The following PDSS2 variants were observed in gnomAD, a reference collection of about 807,000 sequenced individuals.
The protein encoded by PDSS2 is all trans-polyprenyl-diphosphate synthase PDSS2.
In PDSS2, 31 loss-of-function variants were observed where a neutral mutation model predicts 44.5. The ratio of observed to expected loss-of-function variants is 0.70; its 90% CI spans 0.52 to 0.94. PDSS2 has a LOEUF of 0.94. Among genes scored for constraint, PDSS2 ranks in the 40% least tolerant of loss-of-function variants. The pLI, the probability that PDSS2 is intolerant of heterozygous loss-of-function variation, is 0.00. For synonymous variants in PDSS2, 157 were observed against 180.3 expected (o/e 0.87, Z 1.03); for missense variants, 452 against 482.2 (o/e 0.94, Z 0.59).
chr6:107,206,589 T>A (rs1376664723), intron 6 of PDSS2, among the ~76,000 whole-genome samples: 1 of 149,614 alleles, frequency 6.7e-6, no homozygotes, highest in African/African-American at 2.4e-5. Context: ...GTGTCCAATC[T>A]TTTTGCTTCC....
intron 7 of PDSS2, among the ~76,000 whole-genome samples, chr6:107,182,291 T>C (rs1040297874): frequency 1.3e-5 from 2 of 152,176 alleles, no homozygotes; most frequent in Admixed American, 6.5e-5. Context: ...ATACTAACTA[T>C]TGCATGTGTG....
At chr6:107,347,343 T>G (rs975090232) in intron 1 of PDSS2, among the ~76,000 whole-genome samples, 4 of 136,850 alleles carry the variant, frequency 2.9e-5, no homozygotes, top group African/African-American at 1.1e-4. Context: ...GCTCTCCACA[T>G]CCCGGGTTCA....
intron 2 of PDSS2, among the ~76,000 whole-genome samples, chr6:107,288,718 G>C (rs1582896849): frequency 6.6e-6 from 1 of 151,376 alleles, no homozygotes; most frequent in Admixed American, 6.6e-5. Context: ...TCATTAAGGA[G>C]GGGCTGGACA....
At chr6:107,450,111 T>C (rs1195245563) in intron 1 of PDSS2, among the ~76,000 whole-genome samples, 1 of 152,188 alleles carries the variant, frequency 6.6e-6, no homozygotes, top group Non-Finnish European at 1.5e-5. Flanking sequence ...TTTTGATGAA[T>C]GAGATTGACT....
chr6:107,346,235 G>A (rs1778243393), intron 1 of PDSS2, among the ~76,000 whole-genome samples: 1 of 152,166 alleles, frequency 6.6e-6, no homozygotes, highest in South Asian at 2.1e-4. Context: ...AACAGTATTT[G>A]CTCTATCCTA....
intron 1 of PDSS2, among the ~76,000 whole-genome samples, chr6:107,418,361 AG>A (rs758702157): frequency 9.9e-5 from 15 of 152,210 alleles, no homozygotes; most frequent in Non-Finnish European, 1.6e-4. Context: ...GGCAAGGAAC[AG>A]ATCCTCTCTA....
intron 7 of PDSS2, among the ~76,000 whole-genome samples, chr6:107,190,361 T>C (rs1772330493): frequency 6.6e-6 from 1 of 152,314 alleles, no homozygotes; most frequent in Non-Finnish European, 1.5e-5. Context: ...CCCAACTTAC[T>C]GCGTGTGTTT....
At chr6:107,171,004 T>C (rs1258300683) in intron 7 of PDSS2, among the ~76,000 whole-genome samples, 3 of 152,172 alleles carry the variant, frequency 2.0e-5, no homozygotes, top group Admixed American at 2.0e-4. Context: ...CTATATAACC[T>C]AGGCATTTGG....
At chr6:107,217,656 A>G (rs1480195966) in intron 4 of PDSS2, among the ~76,000 whole-genome samples, 5 of 152,200 alleles carry the variant, frequency 3.3e-5, no homozygotes, top group Non-Finnish European at 7.3e-5. Context: ...AAATTCCACA[A>G]TCTCTATCAA....
intron 5 of PDSS2, among the ~76,000 whole-genome samples, chr6:107,210,984 A>G (rs1430625780): frequency 5.5e-5 from 8 of 146,020 alleles, no homozygotes; most frequent in Non-Finnish European, 1.2e-4. Flanking sequence ...CGAGAGCAAA[A>G]CTCCGTCTCA....
At chr6:107,222,567 A>G (rs1773644286) in intron 4 of PDSS2, among the ~76,000 whole-genome samples, 1 of 151,668 alleles carries the variant, frequency 6.6e-6, no homozygotes, top group South Asian at 2.1e-4. Flanking sequence ...AGGCAGGAGA[A>G]TCACTTGAAC....
chr6:107,310,110 C>A (rs779692163), intron 2 of PDSS2, among the ~76,000 whole-genome samples: 89 of 151,686 alleles, frequency 5.9e-4, no homozygotes, highest in Non-Finnish European at 1.1e-3. Flanking sequence ...ACGGTGAAAC[C>A]CCATCTCTAC....
At chr6:107,173,582 A>AAAAC (rs1178295949) in intron 7 of PDSS2, among the ~76,000 whole-genome samples, 6 of 148,166 alleles carry the variant, frequency 4.0e-5, no homozygotes, top group South Asian at 2.1e-4. Flanking sequence ...CAAAAAAAAA[A>AAAAC]AAAAAAAAAA....
chr6:107,436,734 C>G (rs1781360058), intron 1 of PDSS2, among the ~76,000 whole-genome samples: 1 of 151,934 alleles, frequency 6.6e-6, no homozygotes. Flanking sequence ...AGAACGTTCC[C>G]AACACAAAGA....
intron 1 of PDSS2, among the ~76,000 whole-genome samples, chr6:107,429,935 T>TATATATAC (rs1436001089): frequency 9.3e-6 from 1 of 107,038 alleles, no homozygotes; most frequent in East Asian, 2.8e-4. Context: ...TATATATATA[T>TATATATAC]ATACACCAAA....
chr6:107,251,794 G>A (rs548858015), intron 3 of PDSS2, among the ~76,000 whole-genome samples: 5 of 152,200 alleles, frequency 3.3e-5, no homozygotes, highest in South Asian at 2.1e-4. Flanking sequence ...TGAATAGGCC[G>A]ATAAAGGTAA....
chr6:107,363,405 T>C (rs935707783), intron 1 of PDSS2, among the ~76,000 whole-genome samples: 3 of 152,070 alleles, frequency 2.0e-5, no homozygotes, highest in African/African-American at 7.2e-5. Flanking sequence ...TTCCTTCTGG[T>C]GGGTTCGTGG....
At chr6:107,391,601 G>A (rs1779784059) in intron 1 of PDSS2, among the ~76,000 whole-genome samples, 1 of 151,976 alleles carries the variant, frequency 6.6e-6, no homozygotes, top group African/African-American at 2.4e-5. Context: ...GAAGTTATTG[G>A]TACTTCTAGT....
intron 3 of PDSS2, among the ~76,000 whole-genome samples, chr6:107,266,817 C>T (rs1361183048): frequency 6.6e-6 from 1 of 152,122 alleles, no homozygotes; most frequent in South Asian, 2.1e-4. Context: ...TATAGTGATG[C>T]TTCTGAATGC....
Sources: allele counts gnomAD v4.1 joint callset (sites outside exome capture counted in the v4.1 genomes callset), GRCh38; gene constraint gnomAD v4.1.1; transcripts MANE v1.5; gene names NCBI Gene and HGNC (gene_info 2026-07-23, HGNC 2026-07-21).